GLB1: variants seen among roughly 807,000 people sequenced by gnomAD.
GLB1 encodes galactosidase beta 1, also known as beta-galactosidase.
Under a neutral mutation model 74.0 loss-of-function variants are expected in GLB1, and 56 were observed. That is an observed-to-expected ratio of 0.76 (90% CI 0.61 to 0.94). The LOEUF is 0.94. GLB1 is among the 40% of genes least tolerant of loss of function. GLB1 has a pLI of 0.00. For synonymous variants in GLB1, 323 were observed against 323.6 expected (o/e 1.00, Z 0.02); for missense variants, 787 against 845.5 (o/e 0.93, Z 0.86).
the GLB1 span, among the ~76,000 whole-genome samples, chr3:32,977,488 G>A: frequency 2.0e-4 from 30 of 152,246 alleles, no homozygotes; most frequent in Admixed American, 1.2e-3. Flanking sequence ...GATTACAGGC[G>A]TGAGCCACTG....
rs1029548001 is a variant in GLB1, at chr3:33,034,458, G to C, written c.1069-10133C>G. 1.8e-5 allele frequency: 13 copies of C among 730,646 alleles called. No individual in the cohort carries two copies. In the African/African-American group the frequency reaches 2.2e-4, roughly 13 times the overall value. The allele number at this position is 730,646 out of a possible 1,614,324, so 45.3% of individuals were successfully genotyped here. A position where few individuals can be genotyped will look rare whatever the true frequency, so the allele number is the denominator to read the frequency against. ...TTCAAGGATGGCCAGTGGAAGGAGA[G>C]CAGAAGCTGGAAGCACAGTGACTGG... On this transcript the variant is annotated intron_variant, in intron 10 of 15. Coordinates refer to ENST00000307363, the MANE Select transcript of GLB1 (RefSeq NM_000404.4).
At chr3:33,087,217 G>A (rs1312451323) in intron 1 of GLB1, among the ~76,000 whole-genome samples, 2 of 151,910 alleles carry the variant, frequency 1.3e-5, no homozygotes, top group Non-Finnish European at 2.9e-5. Context: ...ACCGAATCAT[G>A]AAGAAACAGA....
At chr3:33,089,709 A>G (rs902142112) in intron 1 of GLB1, among the ~76,000 whole-genome samples, 3 of 152,212 alleles carry the variant, frequency 2.0e-5, no homozygotes, top group Non-Finnish European at 4.4e-5. Flanking sequence ...AGTCAAATTC[A>G]TAGAAACAGA....
At chr3:33,083,006 A>C (rs1431706279) in intron 1 of GLB1, among the ~76,000 whole-genome samples, 1 of 152,184 alleles carries the variant, frequency 6.6e-6, no homozygotes, top group Non-Finnish European at 1.5e-5. Flanking sequence ...TCATGGACCC[A>C]AGATGACCCC....
chr3:33,016,907 G>A (rs1697257933), intron 13 of GLB1, 67 bp from the exon 14 acceptor site: 3 of 1,595,668 alleles, frequency 1.9e-6, no homozygotes, highest in Non-Finnish European at 8.6e-7. Context: ...GAGGCAGCAT[G>A]CTCAGTTAAT....
chr3:33,074,370 AAGGAAGG>A (rs1700015829), intron 1 of GLB1, among the ~76,000 whole-genome samples: 1 of 124,618 alleles, frequency 8.0e-6, no homozygotes, highest in African/African-American at 2.9e-5. Flanking sequence ...GGAAGGAAGG[AAGGAAGG>A]AAGGAAGGAA....
intron 5 of GLB1, among the ~76,000 whole-genome samples, chr3:33,062,373 G>A (rs190806380): frequency 4.6e-5 from 7 of 152,130 alleles, no homozygotes; most frequent in Admixed American, 2.0e-4. Context: ...TCACTATGTT[G>A]CCCAGGCTGG....
At chr3:32,970,272 A>G in the GLB1 span, among the ~76,000 whole-genome samples, 1 of 152,204 alleles carries the variant, frequency 6.6e-6, no homozygotes, top group Non-Finnish European at 1.5e-5. Flanking sequence ...AATTTTGTCA[A>G]GAAACTCACG....
the GLB1 span, among the ~76,000 whole-genome samples, chr3:32,987,629 C>G: frequency 6.6e-6 from 1 of 152,198 alleles, no homozygotes; most frequent in South Asian, 2.1e-4. Flanking sequence ...CTTATCTCTT[C>G]TACTAACTAA....
At chr3:33,031,738 AAT>A (rs1033382759) in intron 10 of GLB1, among the ~76,000 whole-genome samples, 1 of 147,208 alleles carries the variant, frequency 6.8e-6, no homozygotes, top group African/African-American at 2.5e-5. Context: ...AAAGAGGGAA[AAT>A]ATGACATGTT....
At chr3:33,041,285 C>A (rs1465971030) in intron 10 of GLB1, among the ~76,000 whole-genome samples, 1 of 152,180 alleles carries the variant, frequency 6.6e-6, no homozygotes, top group African/African-American at 2.4e-5. Flanking sequence ...AAGAGAGTGA[C>A]AGAGTACAGT....
At chr3:32,986,285 A>G in the GLB1 span, among the ~76,000 whole-genome samples, 1 of 151,580 alleles carries the variant, frequency 6.6e-6, no homozygotes, top group South Asian at 2.1e-4. Flanking sequence ...TGGGCAATAG[A>G]GACCCCAAAA....
the GLB1 span, among the ~76,000 whole-genome samples, chr3:32,977,019 C>T: frequency 6.6e-6 from 1 of 152,062 alleles, no homozygotes; most frequent in Non-Finnish European, 1.5e-5. Flanking sequence ...TTGTGAAATT[C>T]AAGGGACTCT....
chr3:33,001,234 TCA>T (rs1432813683), intron 15 of GLB1, among the ~76,000 whole-genome samples: 4 of 151,436 alleles, frequency 2.6e-5, no homozygotes, highest in Admixed American at 2.6e-4. Context: ...TCTCTCTCTC[TCA>T]CTCTTACATC....
chr3:33,084,800 T>C (rs547828344), intron 1 of GLB1, among the ~76,000 whole-genome samples: 2 of 152,146 alleles, frequency 1.3e-5, no homozygotes, highest in African/African-American at 4.8e-5. Context: ...TTGACCATAT[T>C]TGGCCTAAGG....
intron 10 of GLB1, among the ~76,000 whole-genome samples, chr3:33,024,826 A>G (rs1022588226): frequency 2.0e-5 from 3 of 152,080 alleles, no homozygotes; most frequent in Non-Finnish European, 1.5e-5. Context: ...CAATCCTCCA[A>G]TGATTTAGAA....
At chr3:32,975,782 G>A in the GLB1 span, among the ~76,000 whole-genome samples, 1 of 152,206 alleles carries the variant, frequency 6.6e-6, no homozygotes, top group African/African-American at 2.4e-5. Context: ...CACTGTAATA[G>A]GATAGTGTGG....
chr3:33,069,222 T>A lies in GLB1; in HGVS notation c.246-252A>T, dbSNP rs7610931. On this transcript the variant is annotated intron_variant, in intron 2 of 15. Transcript: ENST00000307363. The stretch of plus-strand genomic sequence containing the variant: ...CTGGAAAACATGGTGAAACCCCGTC[T>A]CTACAAAAAACACAAAAAAATTAGC... Among the ~76,000 whole-genome samples the A allele has an allele frequency of 1.1e-3, 161 of 151,900 alleles. 1 individual carries two copies. The highest frequency in any genetic ancestry group is 3.7e-3 in the African/African-American group (155 of 41,402).
At chr3:33,071,459 T>C (rs1364408458) in intron 2 of GLB1, among the ~76,000 whole-genome samples, 1 of 152,204 alleles carries the variant, frequency 6.6e-6, no homozygotes, top group Non-Finnish European at 1.5e-5. Context: ...GCAAAAGAGA[T>C]GCAGAGAGAT....
Sources: allele counts gnomAD v4.1 joint callset (sites outside exome capture counted in the v4.1 genomes callset), GRCh38; gene constraint gnomAD v4.1.1; transcripts MANE v1.5; gene names NCBI Gene and HGNC (gene_info 2026-07-23, HGNC 2026-07-21).